The following NELL1 variants were observed in gnomAD, a reference collection of about 807,000 sequenced individuals.
NELL1 encodes neural EGFL like 1.
In NELL1, 76 loss-of-function variants were observed where a neutral mutation model predicts 107.4. The ratio of observed to expected loss-of-function variants is 0.71; its 90% CI spans 0.59 to 0.86. The LOEUF is 0.86. NELL1 is among the 40% of genes least tolerant of loss of function. The pLI is 0.00. For synonymous variants in NELL1, 353 were observed against 341.2 expected, an observed-to-expected ratio of 1.03 and a Z score of -0.38; for missense variants, 1,024 against 1,005.5, an observed-to-expected ratio of 1.02 and a Z score of -0.25.
At chr11:20,723,064 C>T (rs971441464) in intron 2 of NELL1, among the ~76,000 whole-genome samples, 5 of 152,172 alleles carry the variant, frequency 3.3e-5, no homozygotes, top group African/African-American at 9.7e-5. Context: ...GAAACTGCCC[C>T]CATGATCCAG....
chr11:20,759,267 A>T (rs1041343952), intron 2 of NELL1, among the ~76,000 whole-genome samples: 1 of 152,194 alleles, frequency 6.6e-6, no homozygotes, highest in Non-Finnish European at 1.5e-5. Context: ...TCTTGTAATT[A>T]ACTTTTCCAT....
intron 7 of NELL1, among the ~76,000 whole-genome samples, chr11:20,926,872 C>G (rs1255050866): frequency 6.6e-6 from 1 of 152,110 alleles, no homozygotes; most frequent in African/African-American, 2.4e-5. Context: ...AGTTTGTAAA[C>G]CACGACATTC....
chr11:20,672,998 G>C (rs1256112415), intron 1 of NELL1, among the ~76,000 whole-genome samples: 2 of 127,532 alleles, frequency 1.6e-5, no homozygotes, highest in Admixed American at 8.6e-5. Flanking sequence ...GAGTAGCTGG[G>C]ATTACAGGCA....
chr11:21,106,286 T>C (rs989076150), intron 12 of NELL1, among the ~76,000 whole-genome samples: 4 of 152,094 alleles, frequency 2.6e-5, no homozygotes, highest in Admixed American at 2.6e-4. Flanking sequence ...GACAATTTAC[T>C]GCATGTTTCT....
At chr11:21,049,547 C>T (rs371010792) in intron 12 of NELL1, among the ~76,000 whole-genome samples, 1 of 152,216 alleles carries the variant, frequency 6.6e-6, no homozygotes, top group East Asian at 1.9e-4. Flanking sequence ...CAAATTACCC[C>T]CAAGATGAGA....
intron 2 of NELL1, among the ~76,000 whole-genome samples, chr11:20,684,826 T>G (rs1299472317): frequency 6.6e-6 from 1 of 152,086 alleles, no homozygotes; most frequent in East Asian, 1.9e-4. Context: ...TTACCATCAC[T>G]GAGGCAAGAT....
At position 21,025,148 on chromosome 11, in the gene NELL1, G is replaced by A. The variant is rs75559074; in HGVS notation, c.1300+64588G>A. Among the ~76,000 whole-genome samples the A allele has an allele frequency of 3.3e-3, 496 of 152,090 alleles. 4 individuals carry two copies. The highest frequency in any genetic ancestry group is 0.011 in the African/African-American group (470 of 41,498). On this transcript the variant is annotated intron_variant, in intron 12 of 19. Transcript: ENST00000357134. ...TTGTTATCCTTCTGAGGTAGAATCC[G>A]CTTCCCTGTACCTGACATGGTTATT...
chr11:21,222,404 G>T (rs1053685661), intron 13 of NELL1, among the ~76,000 whole-genome samples: 10 of 150,684 alleles, frequency 6.6e-5, no homozygotes, highest in South Asian at 6.3e-4. Flanking sequence ...CACCATGTTA[G>T]CCAGGATGGT....
intron 12 of NELL1, among the ~76,000 whole-genome samples, chr11:20,991,890 T>C (rs1250134018): frequency 3.3e-5 from 5 of 151,648 alleles, no homozygotes; most frequent in South Asian, 2.1e-4. Flanking sequence ...CCAGAAGTGT[T>C]GTACTTGAGG....
At position 20,972,298 on chromosome 11, in the gene NELL1, A is replaced by C. The variant is rs115832805; in HGVS notation, c.1300+11738A>C. 4.9e-3 allele frequency among the ~76,000 whole-genome samples: 742 copies of C among 152,336 alleles called. 7 individuals are homozygous for C. Among genetic ancestry groups the C allele is most frequent in the African/African-American group, 0.017 (706 of 41,574 alleles). On this transcript the variant is annotated intron_variant, in intron 12 of 19. Transcript: ENST00000357134. ...ATAGGTGTTAGTTAAATTTGAATATAATAAAGTTCAATAAGATATAAGTAA... is the reference window on the plus strand; with the variant it reads ...ATAGGTGTTAGTTAAATTTGAATATCATAAAGTTCAATAAGATATAAGTAA...
rs557819343 is a variant in NELL1, at chr11:21,574,793, C to G, written c.2383-179C>G. ...GCAGTACCCTGGAGGGTCTGTCAGT[C>G]CTTCCTTTCTTTCTACTCTTTCTCT... On this transcript the variant is annotated intron_variant, in intron 19 of 19. Transcript: ENST00000357134. Among the ~76,000 whole-genome samples, 8 of 151,904 alleles carry G rather than the reference C, an allele frequency of 5.3e-5. No individual in the cohort carries two copies. In the South Asian group the frequency reaches 1.0e-3, roughly 20 times the overall value.
intron 14 of NELL1, among the ~76,000 whole-genome samples, chr11:21,258,519 A>T (rs1234104665): frequency 1.3e-5 from 2 of 152,000 alleles, no homozygotes; most frequent in Admixed American, 1.3e-4. Flanking sequence ...AAATTTGCAG[A>T]GCTGTTGTAC....
At chr11:20,917,300 T>A (rs1451788214) in intron 5 of NELL1, among the ~76,000 whole-genome samples, 2 of 151,966 alleles carry the variant, frequency 1.3e-5, no homozygotes, top group Non-Finnish European at 2.9e-5. Context: ...TTATTTCTAT[T>A]AATATTTCCA....
At chr11:21,425,978 T>G (rs1025141924) in intron 15 of NELL1, among the ~76,000 whole-genome samples, 1 of 151,654 alleles carries the variant, frequency 6.6e-6, no homozygotes, top group Non-Finnish European at 1.5e-5. Flanking sequence ...GCTAAAAGAG[T>G]GAAATATGCT....
At chr11:20,727,909 A>C (rs1307728382) in intron 2 of NELL1, among the ~76,000 whole-genome samples, 1 of 152,192 alleles carries the variant, frequency 6.6e-6, no homozygotes, top group Non-Finnish European at 1.5e-5. Flanking sequence ...GCACTAATTT[A>C]CATTCCCACC....
rs1432551479 is a variant in NELL1, at chr11:21,352,835, CT to C, written c.1550-18015del. On this transcript the variant is annotated intron_variant, in intron 14 of 19. Transcript: ENST00000357134. ...GTTATTAAATGATTTCTCTGGGAAA[CT>C]TTGCTTCTCTCCTGTGTACTCTGCA... Among the ~76,000 whole-genome samples, 6 of 152,292 alleles carry C rather than the reference CT, an allele frequency of 3.9e-5. No individual in the cohort carries two copies. In the East Asian group the frequency reaches 1.2e-3, roughly 29 times the overall value.
chr11:20,968,183 A>C (rs1564991372), intron 12 of NELL1, among the ~76,000 whole-genome samples: 1 of 152,168 alleles, frequency 6.6e-6, no homozygotes, highest in East Asian at 1.9e-4. Flanking sequence ...TGTAGCACTT[A>C]TTCTTTGAAA....
Position 21,288,588 on chromosome 11 carries a change from T to G in NELL1, c.1549+59134T>G, listed in dbSNP as rs373976859. ...CAGGAGCAGTGTGACATTGGATAAG[T>G]TGCTTAACCTCTCTGATTTCTAGTT... On this transcript the variant is annotated intron_variant, in intron 14 of 19. Coordinates refer to ENST00000357134, the MANE Select transcript of NELL1 (RefSeq NM_006157.5). Among the ~76,000 whole-genome samples the G allele has an allele frequency of 1.8e-4, 27 of 152,346 alleles. No homozygotes were observed. The East Asian group carries it at 4.0e-3, about 23-fold the overall frequency.
At chr11:21,566,489 C>A (rs540574345) in intron 17 of NELL1, among the ~76,000 whole-genome samples, 19 of 151,840 alleles carry the variant, frequency 1.3e-4, no homozygotes, top group Admixed American at 1.2e-3. Flanking sequence ...TATTTCCCTG[C>A]TTTTTAAAAT....
Sources: gnomAD v4.1 joint callset for allele counts (sites outside exome capture counted in the v4.1 genomes callset) on GRCh38, gnomAD v4.1.1 for gene constraint, MANE v1.5 for transcripts, NCBI Gene and HGNC (gene_info 2026-07-23, HGNC 2026-07-21) for gene names.